PCDHGB3: variants seen among roughly 807,000 people sequenced by gnomAD.
The protein encoded by PCDHGB3 is protocadherin gamma subfamily B, 3, also known as protocadherin gamma-B3.
In PCDHGB3, 40 loss-of-function variants were observed where a neutral mutation model predicts 59.2. The ratio of observed to expected loss-of-function variants is 0.68; its 90% confidence interval spans 0.52 to 0.88. The LOEUF (loss-of-function observed/expected upper bound fraction) is 0.88, where lower values mean the gene tolerates loss of function less well. Ranked by LOEUF, PCDHGB3 falls within the 40% of genes least tolerant of loss-of-function variation. PCDHGB3 has a pLI of 0.00. For missense variants in PCDHGB3, 1,309 were observed against 1,187.9 expected, an observed-to-expected ratio of 1.10 and a Z score of -1.50; for synonymous variants, 581 against 503.6, an observed-to-expected ratio of 1.15 and a Z score of -2.06.
rs2099605934 is a variant in PCDHGB3, at chr5:141,485,057, C to G, written c.2416-9750C>G. On this transcript the variant is annotated intron_variant, in intron 1 of 3. Transcript: ENST00000576222. The surrounding 1 kb of genome is among the most constrained non-coding windows in gnomAD (Gnocchi z 5.7). ...GTAACCCTTGCGGCGCCGGCCGAAC[C>G]GCGCCAGAGCTGGCGCGGGGAAAGG... The G allele has an allele frequency of 1.2e-6, 1 of 843,720 alleles. No homozygotes were observed. Among genetic ancestry groups the G allele is most frequent in the Non-Finnish European group, 1.9e-6 (1 of 524,586 alleles). 52.3% of individuals were successfully genotyped at this position (843,720 alleles called of 1,614,324 possible).
intron 1 of PCDHGB3, chr5:141,433,149 C>A (rs758972664): frequency 1.2e-6 from 2 of 1,613,856 alleles, no homozygotes; most frequent in Non-Finnish European, 1.7e-6. Context: ...TCAGGTGATT[C>A]GGTATTTTCT....
chr5:141,457,410 C>G (rs746966828), intron 1 of PCDHGB3, among the ~76,000 whole-genome samples: 1 of 152,182 alleles, frequency 6.6e-6, no homozygotes, highest in Non-Finnish European at 1.5e-5. Context: ...TTTCACATTA[C>G]CCATCCCTTT....
At position 141,477,130 on chromosome 5, in the gene PCDHGB3, G is replaced by C; in HGVS notation, c.2416-17677G>C. On this transcript the variant is annotated intron_variant, in intron 1 of 3. Coordinates refer to ENST00000576222, the MANE Select transcript of PCDHGB3 (RefSeq NM_018924.5). The surrounding 1 kb of genome is among the most constrained non-coding windows in gnomAD (Gnocchi z 4.9). ...ATCCCGAAGGAGCACATTGCAAAGT[G>C]TTGGTGGAGGTTGTGGATGTGAATG... 6.2e-7 allele frequency: 1 copy of C among 1,614,252 alleles called. No individual in the cohort carries two copies. The highest frequency in any genetic ancestry group is 2.2e-5 in the East Asian group (1 of 44,888).
At chr5:141,388,674 G>A in intron 1 of PCDHGB3, 2 of 1,613,940 alleles carry the variant, frequency 1.2e-6, no homozygotes, top group Non-Finnish European at 8.5e-7. Context: ...GGTGCTACAG[G>A]TGACTGCCAC....
intron 1 of PCDHGB3, among the ~76,000 whole-genome samples, chr5:141,429,780 A>G (rs1301908729): frequency 1.3e-5 from 2 of 152,222 alleles, no homozygotes; most frequent in Non-Finnish European, 2.9e-5. Flanking sequence ...ATGGGCTTCC[A>G]AAAGTATTAC....
At chr5:141,391,452 C>T (rs1004301347) in intron 1 of PCDHGB3, 13 of 152,114 alleles carry the variant, frequency 8.5e-5, no homozygotes, top group African/African-American at 3.1e-4. Context: ...AGCTGGAACT[C>T]AGGCTCATGC....
At chr5:141,415,002 C>T in intron 1 of PCDHGB3, 2 of 1,613,668 alleles carry the variant, frequency 1.2e-6, no homozygotes, top group East Asian at 2.2e-5. Flanking sequence ...CCTGGCTGTC[C>T]TACCGTCTGC....
At chr5:141,403,574 C>T (rs1441332710) in intron 1 of PCDHGB3, 1 of 1,613,960 alleles carries the variant, frequency 6.2e-7, no homozygotes, top group Non-Finnish European at 8.5e-7. Context: ...GGCAACTGCC[C>T]ACCACCTGGT....
At chr5:141,467,628 C>G (rs181245841) in intron 1 of PCDHGB3, among the ~76,000 whole-genome samples, 49 of 152,224 alleles carry the variant, frequency 3.2e-4, no homozygotes, top group African/African-American at 1.1e-3. Context: ...TTTGAGATAG[C>G]ATCTTTATCA....
At position 141,431,365 on chromosome 5, in the gene PCDHGB3, C is replaced by T. The variant is rs2097365932; in HGVS notation, c.2415+58556C>T. ...TGGTGCTGAAACGCGCCCTGGACCG[C>T]GAAGAAAAGGCTGCTCACCACCTGG... On this transcript the variant is annotated intron_variant, in intron 1 of 3. Coordinates refer to ENST00000576222, the MANE Select transcript of PCDHGB3 (RefSeq NM_018924.5). The surrounding 1 kb of genome is among the most constrained non-coding windows in gnomAD (Gnocchi z 4.8). 6 of 1,613,980 alleles carry T rather than the reference C, an allele frequency of 3.7e-6. No homozygotes were observed. Among genetic ancestry groups the T allele is most frequent in the Non-Finnish European group, 5.1e-6 (6 of 1,180,028 alleles).
intron 1 of PCDHGB3, among the ~76,000 whole-genome samples, chr5:141,483,611 A>G (rs2099583566): frequency 6.6e-6 from 1 of 151,952 alleles, no homozygotes; most frequent in South Asian, 2.1e-4. Context: ...TTACACCTCC[A>G]TCATTCCCAT....
intron 1 of PCDHGB3, among the ~76,000 whole-genome samples, chr5:141,456,714 C>T (rs1456452530): frequency 6.6e-6 from 1 of 152,176 alleles, no homozygotes; most frequent in Non-Finnish European, 1.5e-5. Flanking sequence ...CCTGTAATCC[C>T]AGCACTTTGG....
rs563642216 is a variant in PCDHGB3, at chr5:141,376,735, G to A, written c.2415+3926G>A. The A allele has an allele frequency of 1.9e-5, 10 of 521,610 alleles. 1 individual carries two copies. The South Asian group carries it at 2.3e-4, about 12-fold the overall frequency. 32.3% of individuals were successfully genotyped at this position (521,610 alleles called of 1,614,324 possible). ...CGCTCTGTCGCCCAGGCCGGACTGC[G>A]GACTGCAGTGGCGCAATCTCGGCTC... On this transcript the variant is annotated intron_variant, in intron 1 of 3. Coordinates refer to ENST00000576222, the MANE Select transcript of PCDHGB3 (RefSeq NM_018924.5).
At chr5:141,385,961 C>T (rs1446108095) in intron 1 of PCDHGB3, 2 of 152,166 alleles carry the variant, frequency 1.3e-5, no homozygotes, top group African/African-American at 2.4e-5. Context: ...CACTAAAGGC[C>T]ATCGGACAAA....
chr5:141,476,238 G>C lies in PCDHGB3; in HGVS notation c.2416-18569G>C, dbSNP rs764976894. ...ATTCACTATGAGATCCCGGAGGAAA[G>C]AGAGAAGGGTTTCGCTGTGGGCAAC... On this transcript the variant is annotated intron_variant, in intron 1 of 3. Coordinates refer to ENST00000576222, the MANE Select transcript of PCDHGB3 (RefSeq NM_018924.5). The surrounding 1 kb of genome is among the most constrained non-coding windows in gnomAD (Gnocchi z 7.6). 1 of 1,614,098 alleles carries C rather than the reference G, an allele frequency of 6.2e-7. No individual in the cohort carries two copies.
chr5:141,413,385 A>C, intron 1 of PCDHGB3: 1 of 1,613,990 alleles, frequency 6.2e-7, no homozygotes, highest in South Asian at 1.1e-5. Flanking sequence ...GAGTCCGCAT[A>C]GTCTCCAGAG....
At chr5:141,381,826 C>CTTCTTTTTTTTTT (rs1777532522) in intron 1 of PCDHGB3, among the ~76,000 whole-genome samples, 2 of 74,284 alleles carry the variant, frequency 2.7e-5, no homozygotes, top group African/African-American at 1.2e-4. Context: ...CTTTCTTCTT[C>CTTCTTTTTTTTTT]TTTTTTTTTT....
chr5:141,428,224 G>T, intron 1 of PCDHGB3: 1 of 1,164,316 alleles, frequency 8.6e-7, no homozygotes, highest in Non-Finnish European at 1.3e-6. Context: ...AGTCTTCGCA[G>T]ACAGCCTGCA....
intron 1 of PCDHGB3, chr5:141,385,170 C>A (rs1561606866): frequency 4.3e-6 from 7 of 1,614,212 alleles, no homozygotes; most frequent in Non-Finnish European, 5.9e-6. Flanking sequence ...CCCATGAGGT[C>A]TCCCTCACCG....
Sources: allele counts gnomAD v4.1 joint callset (sites outside exome capture counted in the v4.1 genomes callset), GRCh38; gene constraint gnomAD v4.1.1; non-coding constraint Gnocchi (gnomAD v3.1); transcripts MANE v1.5; gene names NCBI Gene and HGNC (gene_info 2026-07-23, HGNC 2026-07-21).